The following EYS variants were observed in gnomAD, a reference collection of about 807,000 sequenced individuals.
EYS encodes the protein EGF-like photoreceptor maintenance factor, also known as protein eyes shut homolog.
In EYS, 250 loss-of-function variants were observed where a neutral mutation model predicts 282.1. The ratio of observed to expected loss-of-function variants is 0.89; its 90% CI spans 0.80 to 0.98. The LOEUF is 0.98. EYS is among the 50% of genes least tolerant of loss of function. The pLI is 0.00. For missense variants in EYS, 4,016 were observed against 3,709.0 expected (o/e 1.08, Z -2.15); for synonymous variants, 1,355 against 1,282.9 (o/e 1.06, Z -1.20).
chr6:63,990,539 T>C (rs1767558668), intron 34 of EYS, among the ~76,000 whole-genome samples: 1 of 151,736 alleles, frequency 6.6e-6, no homozygotes, highest in Non-Finnish European at 1.5e-5. Context: ...TTGTCTTTTC[T>C]GATCCAGGAA....
At chr6:65,452,836 T>C (rs1764455191) in intron 5 of EYS, among the ~76,000 whole-genome samples, 1 of 152,086 alleles carries the variant, frequency 6.6e-6, no homozygotes, top group African/African-American at 2.4e-5. Context: ...AGAGAAGATG[T>C]AAATTTGTTG....
Position 64,063,642 on chromosome 6 carries a change from C to A in EYS, c.6725+2696G>T, listed in dbSNP as rs149869694. Among the ~76,000 whole-genome samples the A allele has an allele frequency of 2.6e-5, 4 of 152,180 alleles. No homozygotes were observed. The East Asian group carries it at 7.7e-4, about 29-fold the overall frequency. On this transcript the variant is annotated intron_variant, in intron 33 of 42. Coordinates refer to ENST00000503581, the MANE Select transcript of EYS (RefSeq NM_001142800.2). Reference sequence around the variant, plus strand: ...ACTTTGTTTTTCATTACTAAGGCACCCTCTTCTGCTTCTCTGTTCAAAACA... The same window carrying A: ...ACTTTGTTTTTCATTACTAAGGCACACTCTTCTGCTTCTCTGTTCAAAACA...
intron 35 of EYS, among the ~76,000 whole-genome samples, chr6:63,923,731 C>G (rs758805010): frequency 2.0e-5 from 3 of 152,162 alleles, no homozygotes; most frequent in Non-Finnish European, 4.4e-5. Context: ...CCTCCTCCTT[C>G]TCTCCCCCGT....
At chr6:63,754,973 C>A (rs1445857636) in intron 41 of EYS, among the ~76,000 whole-genome samples, 1 of 152,166 alleles carries the variant, frequency 6.6e-6, no homozygotes, top group Non-Finnish European at 1.5e-5. Context: ...TGTCTGTTGG[C>A]TGCATAAATG....
At chr6:64,952,283 A>T (rs560202373) in intron 14 of EYS, among the ~76,000 whole-genome samples, 3 of 152,088 alleles carry the variant, frequency 2.0e-5, no homozygotes, top group South Asian at 4.1e-4. Context: ...GCAATGTTTA[A>T]GATTGTGGGA....
At chr6:64,224,930 TG>T (rs769584640) in intron 31 of EYS, among the ~76,000 whole-genome samples, 2 of 152,058 alleles carry the variant, frequency 1.3e-5, no homozygotes, top group Non-Finnish European at 2.9e-5. Flanking sequence ...CAAGGAAAAA[TG>T]GCCCCTCTTG....
intron 42 of EYS, 50 bp downstream of exon 42, chr6:63,726,469 A>T: frequency 6.8e-7 from 1 of 1,477,168 alleles, no homozygotes; most frequent in Non-Finnish European, 9.1e-7. Context: ...TACATTACTT[A>T]ATAGACTATT....
chr6:65,073,946 A>C (rs1773973013), intron 12 of EYS, among the ~76,000 whole-genome samples: 1 of 151,930 alleles, frequency 6.6e-6, no homozygotes, highest in Non-Finnish European at 1.5e-5. Context: ...AAATGAGGAG[A>C]TTGGTTAGTT....
chr6:65,491,714 T>C (rs1344398816), intron 4 of EYS: 1 of 290,442 alleles, frequency 3.4e-6, no homozygotes. Context: ...AATTAAAACT[T>C]AGTGAGTTTT....
At chr6:65,451,772 G>A (rs1352215706) in intron 5 of EYS, among the ~76,000 whole-genome samples, 1 of 151,696 alleles carries the variant, frequency 6.6e-6, no homozygotes, top group Admixed American at 6.6e-5. Context: ...TATAGGCACT[G>A]ATCTATACTT....
At chr6:65,424,754 T>C (rs764655389) in intron 5 of EYS, among the ~76,000 whole-genome samples, 9 of 152,060 alleles carry the variant, frequency 5.9e-5, no homozygotes, top group Non-Finnish European at 7.4e-5. Context: ...TACCGGTTAA[T>C]GGATCTCTCA....
chr6:64,678,125 C>T (rs2149901954), intron 22 of EYS, among the ~76,000 whole-genome samples: 1 of 152,270 alleles, frequency 6.6e-6, no homozygotes, highest in Non-Finnish European at 1.5e-5. Flanking sequence ...TTCAGGCTGG[C>T]TCCTGTGTCC....
At chr6:64,592,909 T>G (rs1189306646) in intron 25 of EYS, among the ~76,000 whole-genome samples, 1 of 152,116 alleles carries the variant, frequency 6.6e-6, no homozygotes, top group African/African-American at 2.4e-5. Context: ...AATTTACATT[T>G]TTTTACTGAT....
At chr6:65,536,396 C>T (rs1423900673) in intron 2 of EYS, among the ~76,000 whole-genome samples, 1 of 151,072 alleles carries the variant, frequency 6.6e-6, no homozygotes, top group African/African-American at 2.4e-5. Context: ...TTTACAAAAT[C>T]TAGGTGACAC....
At position 65,026,916 on chromosome 6, in the gene EYS, C is replaced by CAAAAAAAAAAAAAAAAAAAAAAAAAAAAA. The variant is rs1260312589; in HGVS notation, c.2138-29214_2138-29213insTTTTTTTTTTTTTTTTTTTTTTTTTTTTT. 3.5e-3 allele frequency among the ~76,000 whole-genome samples: 376 copies of CAAAAAAAAAAAAAAAAAAAAAAAAAAAAA among 107,740 alleles called. 23 individuals carry two copies. The highest frequency in any genetic ancestry group is 5.6e-3 in the Non-Finnish European group (280 of 50,302). 70.7% of individuals were successfully genotyped at this position (107,740 alleles called of 152,430 possible). A position where few individuals can be genotyped will look rare whatever the true frequency, so the allele number is the denominator to read the frequency against. ...TGGGCGACAGAGTGAGACTCCGTCT[C>CAAAAAAAAAAAAAAAAAAAAAAAAAAAAA]AAAAAAAAAAAAAAGATTCAGATAT... On this transcript the variant is annotated intron_variant, in intron 13 of 42. Transcript: ENST00000503581.
intron 33 of EYS, among the ~76,000 whole-genome samples, 156 bp downstream of exon 33, chr6:64,066,182 G>A (rs1426056691): frequency 6.6e-6 from 1 of 152,156 alleles, no homozygotes; most frequent in Non-Finnish European, 1.5e-5. Flanking sequence ...GGAGGTTGAG[G>A]CAGGAGAATC....
intron 28 of EYS, among the ~76,000 whole-genome samples, chr6:64,395,454 C>A (rs1212452434): frequency 2.0e-5 from 3 of 152,088 alleles, no homozygotes; most frequent in Non-Finnish European, 4.4e-5. Context: ...ATGCAGCCAT[C>A]AAAAATGATG....
intron 29 of EYS, among the ~76,000 whole-genome samples, chr6:64,307,312 C>T (rs944948192): frequency 6.6e-6 from 1 of 151,746 alleles, no homozygotes; most frequent in African/African-American, 2.4e-5. Context: ...TGAACATGGG[C>T]AAAATTATAA....
At chr6:65,516,737 G>A (rs1767150401) in intron 2 of EYS, among the ~76,000 whole-genome samples, 1 of 151,984 alleles carries the variant, frequency 6.6e-6, no homozygotes, top group African/African-American at 2.4e-5. Context: ...AAGGCACAAG[G>A]ATGCCTGGTA....
Sources: allele counts gnomAD v4.1 joint callset (sites outside exome capture counted in the v4.1 genomes callset), GRCh38; gene constraint gnomAD v4.1.1; transcripts MANE v1.5; gene names NCBI Gene and HGNC (gene_info 2026-07-23, HGNC 2026-07-21).